The following ZFHX3 variants were observed in gnomAD, a reference collection of about 807,000 sequenced individuals.
ZFHX3 encodes zinc finger homeobox 3.
A neutral mutation model predicts 279.1 loss-of-function variants in ZFHX3; 42 were observed. The observed-to-expected ratio is 0.15, with a 90% CI of 0.12 to 0.19. The LOEUF (loss-of-function observed/expected upper bound fraction) is 0.19, where lower values mean the gene tolerates loss of function less well. Among genes scored for constraint, ZFHX3 ranks in the 10% least tolerant of loss-of-function variants. The pLI is 1.00. For synonymous variants in ZFHX3, 2,293 were observed against 1,957.8 expected, an observed-to-expected ratio of 1.17 and a Z score of -4.52; for missense variants, 4,981 against 4,754.0, an observed-to-expected ratio of 1.05 and a Z score of -1.40.
chr16:73,017,589 C>T (rs769128204), intron 1 of ZFHX3, among the ~76,000 whole-genome samples: 11 of 151,706 alleles, frequency 7.3e-5, no homozygotes, highest in Non-Finnish European at 1.2e-4. Context: ...TTCCCCTCCA[C>T]CCACCCCTCT....
At chr16:73,714,715 C>T (rs113281047) in intron 1 of ZFHX3, among the ~76,000 whole-genome samples, 4,809 of 152,272 alleles carry the variant, frequency 0.032, 100 homozygotes, top group African/African-American at 0.052. Context: ...GTCATGAAGA[C>T]TACGATTATT....
chr16:73,480,321 G>A (rs1447372968), intron 2 of ZFHX3, among the ~76,000 whole-genome samples: 6 of 152,126 alleles, frequency 3.9e-5, no homozygotes, highest in Middle Eastern at 3.4e-3. Flanking sequence ...CTCTATTAGC[G>A]GCCACCACCT....
chr16:73,747,591 C>T (rs2053715822), intron 1 of ZFHX3, among the ~76,000 whole-genome samples: 1 of 152,122 alleles, frequency 6.6e-6, no homozygotes, highest in South Asian at 2.1e-4. Context: ...TTAACAACAA[C>T]AACAACAGAA....
intron 2 of ZFHX3, among the ~76,000 whole-genome samples, chr16:73,591,377 C>A (rs1434488000): frequency 1.4e-5 from 2 of 144,696 alleles, no homozygotes; most frequent in East Asian, 2.1e-4. Context: ...AACAAACAAA[C>A]AAACAAACAA....
chr16:73,583,690 T>C (rs2051885579), intron 2 of ZFHX3, among the ~76,000 whole-genome samples: 1 of 152,224 alleles, frequency 6.6e-6, no homozygotes, highest in African/African-American at 2.4e-5. Flanking sequence ...TGTTCAATTC[T>C]ATCATGCTTA....
At chr16:72,904,445 C>T (rs1041657395) in intron 3 of ZFHX3, among the ~76,000 whole-genome samples, 9 of 151,954 alleles carry the variant, frequency 5.9e-5, no homozygotes, top group Admixed American at 5.2e-4. Flanking sequence ...AAAGTTTGAA[C>T]AGATGAAGAA....
chr16:73,359,487 T>C (rs2016400276), intron 3 of ZFHX3, among the ~76,000 whole-genome samples: 1 of 152,150 alleles, frequency 6.6e-6, no homozygotes, highest in Non-Finnish European at 1.5e-5. Context: ...ACTCAGTATT[T>C]GCGAAAAGTG....
At chr16:73,823,467 AG>A (rs1960809856) in intron 1 of ZFHX3, among the ~76,000 whole-genome samples, 1 of 152,242 alleles carries the variant, frequency 6.6e-6, no homozygotes, top group African/African-American at 2.4e-5. Context: ...AAACCAATGC[AG>A]GAACAGTGGC....
intron 2 of ZFHX3, among the ~76,000 whole-genome samples, chr16:73,590,728 A>G (rs2051985673): frequency 6.6e-6 from 1 of 152,208 alleles, no homozygotes; most frequent in South Asian, 2.1e-4. Context: ...TTTTGTTTTG[A>G]GAAGTTTTCC....
intron 2 of ZFHX3, among the ~76,000 whole-genome samples, chr16:73,472,364 C>T (rs4888352): frequency 0.083 from 12,587 of 151,860 alleles, 746 homozygotes; most frequent in Admixed American, 0.2. Context: ...TCACACTTAG[C>T]TGGCTTGGTA....
intron 2 of ZFHX3, among the ~76,000 whole-genome samples, chr16:73,557,090 G>T (rs1168821215): frequency 3.6e-5 from 2 of 55,732 alleles, no homozygotes; most frequent in African/African-American, 1.3e-4. Flanking sequence ...GCAAGACTCC[G>T]TCTCAAAAAA....
chr16:73,095,046 G>A (rs1966142632), intron 7 of ZFHX3, among the ~76,000 whole-genome samples: 1 of 152,030 alleles, frequency 6.6e-6, no homozygotes, highest in South Asian at 2.1e-4. Context: ...CCATGGGAGA[G>A]TTAAAAATCC....
chr16:72,940,976 C>A (rs890319681), intron 3 of ZFHX3, among the ~76,000 whole-genome samples: 5 of 152,254 alleles, frequency 3.3e-5, no homozygotes, highest in Non-Finnish European at 7.3e-5. Context: ...CAGGGTCTCC[C>A]ACGCACTGTG....
At chr16:73,648,410 T>TA (rs1263911185) in intron 2 of ZFHX3, among the ~76,000 whole-genome samples, 15 of 152,124 alleles carry the variant, frequency 9.9e-5, no homozygotes, top group African/African-American at 2.2e-4. Flanking sequence ...TTTTCTGAGA[T>TA]AGAGTTTCAC....
chr16:73,654,291 G>C (rs2052700992), intron 2 of ZFHX3, among the ~76,000 whole-genome samples: 1 of 151,822 alleles, frequency 6.6e-6, no homozygotes, highest in Admixed American at 6.6e-5. Flanking sequence ...TACTTTAGTA[G>C]TCTAATAACT....
At chr16:72,844,355 C>T (rs1199341243) in intron 4 of ZFHX3, among the ~76,000 whole-genome samples, 1 of 152,164 alleles carries the variant, frequency 6.6e-6, no homozygotes, top group Non-Finnish European at 1.5e-5. Context: ...TCCTGGCTCT[C>T]CAGCATTCAG....
intron 2 of ZFHX3, among the ~76,000 whole-genome samples, chr16:73,662,773 T>C (rs2142176846): frequency 6.6e-6 from 1 of 152,334 alleles, no homozygotes; most frequent in Admixed American, 6.5e-5. Flanking sequence ...AAGAACATTT[T>C]ATCACAATTT....
intron 1 of ZFHX3, among the ~76,000 whole-genome samples, chr16:73,002,728 G>A (rs1202187590): frequency 2.6e-5 from 4 of 152,094 alleles, no homozygotes; most frequent in Non-Finnish European, 5.9e-5. Flanking sequence ...CATCTTTGCT[G>A]CTTTTTTTTA....
intron 7 of ZFHX3, among the ~76,000 whole-genome samples, chr16:73,119,599 C>T (rs1966472801): frequency 6.6e-6 from 1 of 152,210 alleles, no homozygotes; most frequent in African/African-American, 2.4e-5. Flanking sequence ...TTGCCATGTT[C>T]CATGTGAGCC....
Sources: allele counts gnomAD v4.1 joint callset (sites outside exome capture counted in the v4.1 genomes callset), GRCh38; gene constraint gnomAD v4.1.1; transcripts MANE v1.5; gene names NCBI Gene and HGNC (gene_info 2026-07-23, HGNC 2026-07-21).